The following AGPS variants were observed in gnomAD, a reference collection of about 807,000 sequenced individuals.
AGPS encodes alkyldihydroxyacetonephosphate synthase, peroxisomal.
AGPS carries 26 observed loss-of-function variants against 90.7 expected under a neutral mutation model. The ratio of observed to expected loss-of-function variants is 0.29; its 90% CI spans 0.21 to 0.40. The LOEUF is 0.40. Ranked by LOEUF, AGPS falls within the 10% of genes least tolerant of loss-of-function variation. The pLI is 1.00. For missense variants in AGPS, 540 were observed against 816.1 expected (o/e 0.66, Z 4.12); for synonymous variants, 294 against 285.3 (o/e 1.03, Z -0.31).
At chr2:177,399,274 T>A (rs1203419251) in intron 1 of AGPS, among the ~76,000 whole-genome samples, 2 of 152,234 alleles carry the variant, frequency 1.3e-5, no homozygotes, top group African/African-American at 2.4e-5. Context: ...TAACTTCTGC[T>A]GTTATTCCGA....
At chr2:177,482,898 C>T (rs933225727) in intron 11 of AGPS, among the ~76,000 whole-genome samples, 2 of 152,042 alleles carry the variant, frequency 1.3e-5, no homozygotes, top group African/African-American at 4.8e-5. Flanking sequence ...GTTTAAACTA[C>T]AACTGTCTAT....
chr2:177,537,147 G>A (rs1574041518), intron 19 of AGPS, among the ~76,000 whole-genome samples: 1 of 152,108 alleles, frequency 6.6e-6, no homozygotes, highest in South Asian at 2.1e-4. Flanking sequence ...TATCCATTTT[G>A]CCACAGATAA....
At chr2:177,529,932 T>G (rs2079122247) in intron 19 of AGPS, among the ~76,000 whole-genome samples, 1 of 152,240 alleles carries the variant, frequency 6.6e-6, no homozygotes, top group Non-Finnish European at 1.5e-5. Flanking sequence ...TCTCATATGT[T>G]TATTGCAACA....
chr2:177,541,561 TCAGA>T lies in AGPS; in HGVS notation c.*3370_*3373del, dbSNP rs1465116737. On this transcript the variant is annotated 3_prime_UTR_variant, in exon 20 of 20. Transcript: ENST00000264167. ...AGCATATCTATATCTTAAAAAACACTCAGACAGGAGTTAAGGACAGCTTTAATAA... is the reference window on the plus strand; with the variant it reads ...AGCATATCTATATCTTAAAAAACACTCAGGAGTTAAGGACAGCTTTAATAA... 1.3e-5 allele frequency: 2 copies of T among 152,172 alleles called. No homozygotes were observed. The highest frequency in any genetic ancestry group is 2.4e-5 in the African/African-American group (1 of 41,442). The allele number at this position is 152,172 out of a possible 1,614,324, so 9.4% of individuals were successfully genotyped here.
chr2:177,398,337 CT>C (rs1478146818), intron 1 of AGPS, among the ~76,000 whole-genome samples: 1 of 152,110 alleles, frequency 6.6e-6, no homozygotes, highest in Non-Finnish European at 1.5e-5. Context: ...TGACTAAGTC[CT>C]AATATGACAG....
chr2:177,474,425 C>T (rs1178879700), intron 10 of AGPS, among the ~76,000 whole-genome samples: 1 of 152,170 alleles, frequency 6.6e-6, no homozygotes, highest in East Asian at 1.9e-4. Flanking sequence ...GATTGAATAC[C>T]AGGCCACCAC....
chr2:177,435,151 T>A (rs965682633), intron 3 of AGPS, among the ~76,000 whole-genome samples: 22 of 151,914 alleles, frequency 1.4e-4, no homozygotes, highest in Admixed American at 1.0e-3. Flanking sequence ...TAGTATTCTG[T>A]ATGTCTCTCT....
At chr2:177,419,887 T>C (rs1574352965) in intron 1 of AGPS, among the ~76,000 whole-genome samples, 1 of 151,878 alleles carries the variant, frequency 6.6e-6, no homozygotes. Flanking sequence ...TTTTTTCTCA[T>C]GTGTAAAACT....
chr2:177,410,592 C>T (rs1258453413), intron 1 of AGPS, among the ~76,000 whole-genome samples: 2 of 152,196 alleles, frequency 1.3e-5, no homozygotes, highest in Non-Finnish European at 2.9e-5. Flanking sequence ...TAAAGTTCCC[C>T]AGTCACAACT....
At chr2:177,401,471 G>A (rs1236232019) in intron 1 of AGPS, among the ~76,000 whole-genome samples, 1 of 152,048 alleles carries the variant, frequency 6.6e-6, no homozygotes, top group Non-Finnish European at 1.5e-5. Flanking sequence ...CTAGATACTT[G>A]CCAGAAAAAT....
chr2:177,417,339 A>G (rs1286027836), intron 1 of AGPS, among the ~76,000 whole-genome samples: 1 of 152,170 alleles, frequency 6.6e-6, no homozygotes, highest in Admixed American at 6.5e-5. Flanking sequence ...AACATAAATA[A>G]ATTTTATGTT....
chr2:177,456,235 A>G (rs1412907676), intron 8 of AGPS, among the ~76,000 whole-genome samples: 2 of 152,144 alleles, frequency 1.3e-5, no homozygotes, highest in African/African-American at 4.8e-5. Context: ...AAATCTGTGG[A>G]CCTTTCTTCA....
intron 3 of AGPS, 50 bp downstream of exon 3, chr2:177,434,467 C>A (rs1686338058): frequency 3.0e-6 from 4 of 1,337,232 alleles, no homozygotes; most frequent in East Asian, 4.7e-5. Context: ...TTTTTAAAAC[C>A]CAAATTAATT....
chr2:177,462,112 T>G, intron 9 of AGPS, 94 bp downstream of exon 9: 1 of 1,145,800 alleles, frequency 8.7e-7, no homozygotes, highest in Non-Finnish European at 1.2e-6. Context: ...GAGTTGGGCC[T>G]GGGCGCGGTG....
intron 10 of AGPS, among the ~76,000 whole-genome samples, chr2:177,470,682 G>T (rs1687587775): frequency 7.2e-6 from 1 of 137,974 alleles, no homozygotes; most frequent in Non-Finnish European, 1.5e-5. Flanking sequence ...CTACACTCCA[G>T]CCTGGGTGAT....
chr2:177,488,917 A>G (rs1688172019), intron 11 of AGPS, among the ~76,000 whole-genome samples: 1 of 152,120 alleles, frequency 6.6e-6, no homozygotes, highest in Non-Finnish European at 1.5e-5. Flanking sequence ...AACCCCTCAG[A>G]CATGTGAAAT....
chr2:177,442,442 G>A lies in AGPS; in HGVS notation c.745G>A (p.Ala249Thr), dbSNP rs149918812. 11 of 1,613,720 alleles carry A rather than the reference G, an allele frequency of 6.8e-6. No individual in the cohort carries two copies. The African/African-American group carries it at 1.5e-4, about 22-fold the overall frequency. The change falls in exon 7 of 20, where the codon GCA becomes ACA. Residue 249 changes from alanine (A) to threonine (T), a missense_variant. Ala to Thr is a moderately conservative substitution (Grantham distance 58, BLOSUM62 0). Coordinates refer to ENST00000264167, the MANE Select transcript of AGPS (RefSeq NM_003659.4). ...TGTTTCATATGGCCTGATGTGTCCTGCAGATGAGACAAGAACAATTATTTC... is the reference window on the plus strand; with the variant it reads ...TGTTTCATATGGCCTGATGTGTCCTACAGATGAGACAAGAACAATTATTTC... ...TSVSYGLMCPADETRTIISLD... is the reference protein window; with the variant it reads ...TSVSYGLMCPTDETRTIISLD...
intron 1 of AGPS, chr2:177,393,454 T>G (rs1685083516): frequency 1.0e-6 from 1 of 985,310 alleles, no homozygotes; most frequent in African/African-American, 1.7e-5. Context: ...TGATAGATCA[T>G]AGGAATCTCT....
intron 10 of AGPS, among the ~76,000 whole-genome samples, chr2:177,480,846 AAG>A (rs1687923475): frequency 1.3e-5 from 2 of 152,184 alleles, no homozygotes; most frequent in South Asian, 4.1e-4. Context: ...GCTAAAACAA[AAG>A]AGAACGTTTA....
Sources: allele counts gnomAD v4.1 joint callset (sites outside exome capture counted in the v4.1 genomes callset), GRCh38; gene constraint gnomAD v4.1.1; transcripts MANE v1.5; gene names NCBI Gene and HGNC (gene_info 2026-07-23, HGNC 2026-07-21).